The following NPAS2 variants were observed in gnomAD, a reference collection of about 807,000 sequenced individuals.
NPAS2 encodes the protein neuronal PAS domain protein 2, also known as neuronal PAS domain-containing protein 2.
NPAS2 carries 23 observed loss-of-function variants against 107.5 expected under a neutral mutation model. The observed-to-expected ratio is 0.21, with a 90% CI of 0.15 to 0.30. The LOEUF (loss-of-function observed/expected upper bound fraction) is 0.30. NPAS2 is among the 10% of genes least tolerant of loss of function. NPAS2 has a pLI of 1.00. For missense variants in NPAS2, 756 were observed against 1,043.3 expected, an observed-to-expected ratio of 0.72 and a Z score of 3.79; for synonymous variants, 403 against 417.5, an observed-to-expected ratio of 0.97 and a Z score of 0.42.
intron 3 of NPAS2, among the ~76,000 whole-genome samples, chr2:100,927,311 A>G (rs1683642683): frequency 6.6e-6 from 1 of 152,166 alleles, no homozygotes. Flanking sequence ...TAGATGTCGT[A>G]AGGTGGGCTA....
chr2:100,965,759 C>T lies in NPAS2; in HGVS notation c.900C>T (p.His300=). ...IDDLELLARC[H]QHLMQFGKGK... ...ACCTGGAGCTCCTGGCCAGGTGTCA[C>T]CAGCACCGTGAGTACCACTGCCCAG... is the stretch of plus-strand genomic sequence containing the variant. Residue 300 remains histidine (H), a synonymous_variant, in exon 10 of 21, where the codon CAC becomes CAT. Coordinates refer to ENST00000335681, the MANE Select transcript of NPAS2 (RefSeq NM_002518.4). This position sits in a 1 kb window ranked among gnomAD's most constrained non-coding sequence, Gnocchi z 4.3. 1 of 1,611,326 alleles carries T rather than the reference C, an allele frequency of 6.2e-7. No homozygotes were observed. Among genetic ancestry groups the T allele is most frequent in the Non-Finnish European group, 8.5e-7 (1 of 1,177,596 alleles).
intron 1 of NPAS2, among the ~76,000 whole-genome samples, chr2:100,884,543 C>T (rs528112056): frequency 5.3e-5 from 8 of 152,262 alleles, no homozygotes; most frequent in Non-Finnish European, 1.2e-4. Context: ...TACATGCTCT[C>T]GCACACACAT....
chr2:100,926,029 G>C (rs1156910750), intron 3 of NPAS2, among the ~76,000 whole-genome samples: 1 of 152,134 alleles, frequency 6.6e-6, no homozygotes, highest in Non-Finnish European at 1.5e-5. Flanking sequence ...TATACAAGTA[G>C]AATCATACGG....
chr2:100,954,664 C>CAAAAAAAAAAAAAAA (rs1194534141), intron 7 of NPAS2, among the ~76,000 whole-genome samples: 5 of 81,286 alleles, frequency 6.2e-5, no homozygotes, highest in Non-Finnish European at 5.2e-5. Flanking sequence ...AACTGTGTCT[C>CAAAAAAAAAAAAAAA]AAAAAAAAAA....
intron 6 of NPAS2, 147 bp from the exon 7 acceptor site, chr2:100,949,220 C>T (rs1675080382): frequency 1.6e-6 from 1 of 642,746 alleles, no homozygotes; most frequent in Middle Eastern, 2.6e-4. Context: ...GGTTACAAAC[C>T]AGGCCCAAAA....
intron 7 of NPAS2, among the ~76,000 whole-genome samples, chr2:100,961,900 T>G (rs114553590): frequency 6.6e-6 from 1 of 152,326 alleles, no homozygotes; most frequent in African/African-American, 2.4e-5. Context: ...GTTTGGAAGG[T>G]CTTGGTATTC....
At chr2:100,861,569 A>G (rs1270284706) in intron 1 of NPAS2, among the ~76,000 whole-genome samples, 2 of 152,122 alleles carry the variant, frequency 1.3e-5, no homozygotes, top group African/African-American at 4.8e-5. Flanking sequence ...TCAGCCAGGC[A>G]GTCATGTGAG....
At chr2:100,964,313 C>G (rs1472400470) in intron 8 of NPAS2, 137 bp downstream of exon 8, 15 of 719,458 alleles carry the variant, frequency 2.1e-5, no homozygotes, top group Non-Finnish European at 3.8e-5. Flanking sequence ...AAGTGTCTGG[C>G]TTCTGTGCCT....
At chr2:100,888,142 A>G (rs1187743608) in intron 1 of NPAS2, among the ~76,000 whole-genome samples, 1 of 152,210 alleles carries the variant, frequency 6.6e-6, no homozygotes, top group African/African-American at 2.4e-5. Context: ...GAGATCCTGC[A>G]TTAGGATGAA....
chr2:100,844,299 C>G lies in NPAS2; in HGVS notation c.-23+23885C>G, dbSNP rs139952830. 4.4e-3 allele frequency among the ~76,000 whole-genome samples: 676 copies of G among 152,222 alleles called. 6 individuals are homozygous for G. Among genetic ancestry groups the G allele is most frequent in the African/African-American group, 0.016 (657 of 41,540 alleles). ...TCAGAAGGACCCTAGGGACCCTTAC[C>G]CAGGATGTTGGGAGAGTCAGGGGTT... On this transcript the variant is annotated intron_variant, in intron 1 of 20. Coordinates refer to ENST00000335681, the MANE Select transcript of NPAS2 (RefSeq NM_002518.4).
chr2:100,855,556 T>G (rs975422864), intron 1 of NPAS2, among the ~76,000 whole-genome samples: 11 of 152,244 alleles, frequency 7.2e-5, no homozygotes, highest in African/African-American at 2.7e-4. Context: ...TGACCCATCA[T>G]GCATTTATTC....
intron 1 of NPAS2, among the ~76,000 whole-genome samples, chr2:100,886,719 C>T (rs1680722673): frequency 6.6e-6 from 1 of 152,164 alleles, no homozygotes; most frequent in South Asian, 2.1e-4. Context: ...GTCCTTGCCT[C>T]TCTTCATAAA....
intron 1 of NPAS2, among the ~76,000 whole-genome samples, chr2:100,835,242 G>A (rs947545751): frequency 2.0e-5 from 3 of 152,234 alleles, no homozygotes; most frequent in African/African-American, 4.8e-5. Context: ...AGTCAGAACA[G>A]GAACTTGAAT....
chr2:100,820,969 C>A lies in NPAS2; in HGVS notation c.-23+555C>A. 2 of 1,170,846 alleles carry A rather than the reference C, an allele frequency of 1.7e-6. No homozygotes were observed. The highest frequency in any genetic ancestry group is 2.3e-6 in the Non-Finnish European group (2 of 884,428). The allele number at this position is 1,170,846 out of a possible 1,614,324, so 72.5% of individuals were successfully genotyped here. A position where few individuals can be genotyped will look rare whatever the true frequency, so the allele number is the denominator to read the frequency against. On this transcript the variant is annotated intron_variant, in intron 1 of 20. Coordinates refer to ENST00000335681, the MANE Select transcript of NPAS2 (RefSeq NM_002518.4). This position sits in a 1 kb window ranked among gnomAD's most constrained non-coding sequence, Gnocchi z 5.6. ...CCCCGTGTGCGCAGACAGCGTGCAG[C>A]CTGGCTCCTCACGTCGCTGCCGCCC...
At chr2:100,826,587 A>C (rs950049533) in intron 1 of NPAS2, among the ~76,000 whole-genome samples, 4 of 152,222 alleles carry the variant, frequency 2.6e-5, no homozygotes, top group African/African-American at 9.6e-5. Flanking sequence ...AGAAGTACAA[A>C]TAGGACGTTA....
At chr2:100,871,445 C>G (rs1414083515) in intron 1 of NPAS2, among the ~76,000 whole-genome samples, 2 of 151,832 alleles carry the variant, frequency 1.3e-5, no homozygotes, top group Non-Finnish European at 2.9e-5. Context: ...ATTCTTGCAC[C>G]CCAGCCTCCT....
Position 100,974,115 on chromosome 2 carries a change from T to A in NPAS2, c.1141-688T>A, listed in dbSNP as rs569086943. Among the ~76,000 whole-genome samples, 10 of 152,382 alleles carry A rather than the reference T, an allele frequency of 6.6e-5. No individual in the cohort carries two copies. The South Asian group carries it at 2.1e-3, about 32-fold the overall frequency. On this transcript the variant is annotated intron_variant, in intron 12 of 20. Transcript: ENST00000335681. ...CCTCAGCCTCCCAAAGAGCTGGGAT[T>A]ACAGGCGTGAGCCACCGCACCCAGC...
intron 5 of NPAS2, 109 bp from the exon 6 acceptor site, chr2:100,948,126 T>G (rs1675013894): frequency 1.4e-5 from 18 of 1,254,428 alleles, no homozygotes; most frequent in Non-Finnish European, 1.9e-5. Flanking sequence ...TATTGAACTT[T>G]CCATTTCAGA....
chr2:100,967,749 G>C (rs1573745420), intron 10 of NPAS2, among the ~76,000 whole-genome samples: 1 of 152,176 alleles, frequency 6.6e-6, no homozygotes, highest in Non-Finnish European at 1.5e-5. Flanking sequence ...CTATGGGGGG[G>C]CTGCAAGCAG....
Sources: gnomAD v4.1 joint callset for allele counts (sites outside exome capture counted in the v4.1 genomes callset) on GRCh38, gnomAD v4.1.1 for gene constraint, Gnocchi (gnomAD v3.1) non-coding constraint, MANE v1.5 for transcripts, NCBI Gene and HGNC (gene_info 2026-07-23, HGNC 2026-07-21) for gene names.